Variants in SNTG1 observed in about 807,000 individuals in gnomAD.
The protein encoded by SNTG1 is syntrophin gamma 1, also known as gamma-1-syntrophin.
In SNTG1, 39 loss-of-function variants were observed where a neutral mutation model predicts 74.7. The observed-to-expected ratio is 0.52, with a 90% CI of 0.40 to 0.68. The LOEUF (loss-of-function observed/expected upper bound fraction) is 0.68, where lower values mean the gene tolerates loss of function less well. SNTG1 is among the 30% of genes least tolerant of loss of function. SNTG1 has a pLI of 0.00. For synonymous variants in SNTG1, 254 were observed against 217.1 expected (o/e 1.17, Z -1.49); for missense variants, 685 against 609.5 (o/e 1.12, Z -1.30).
intron 17 of SNTG1, among the ~76,000 whole-genome samples, chr8:50,713,002 T>C (rs2095466035): frequency 6.6e-6 from 1 of 152,202 alleles, no homozygotes; most frequent in Admixed American, 6.5e-5. Flanking sequence ...TTATAATCCT[T>C]TGGGTATATA....
chr8:50,641,818 TC>T lies in SNTG1; in HGVS notation c.850-15090del, dbSNP rs147098356. 3.2e-4 allele frequency among the ~76,000 whole-genome samples: 48 copies of T among 152,318 alleles called. 2 individuals are homozygous for T. The East Asian group carries it at 8.1e-3, about 26-fold the overall frequency. Reference sequence around the variant, plus strand: ...TTACACCTTTGTGGTTCTCTCCTCTTCTCTATTACCACACAATGTCTGCTGT... The same window carrying T: ...TTACACCTTTGTGGTTCTCTCCTCTTTCTATTACCACACAATGTCTGCTGT... On this transcript the variant is annotated intron_variant, in intron 13 of 18. Coordinates refer to ENST00000642720, the MANE Select transcript of SNTG1 (RefSeq NM_018967.5).
intron 2 of SNTG1, among the ~76,000 whole-genome samples, chr8:50,377,500 C>T (rs2131200339): frequency 6.6e-6 from 1 of 152,042 alleles, no homozygotes; most frequent in East Asian, 1.9e-4. Context: ...ACTGTGTTTG[C>T]AGTACTTTTC....
intron 8 of SNTG1, among the ~76,000 whole-genome samples, chr8:50,474,279 T>A (rs181324258): frequency 8.1e-4 from 122 of 150,448 alleles, no homozygotes; most frequent in Admixed American, 8.1e-3. Context: ...ACCATCAGAG[T>A]GAACAGGCAA....
At chr8:50,582,133 T>G (rs2094614124) in intron 12 of SNTG1, among the ~76,000 whole-genome samples, 7 of 151,988 alleles carry the variant, frequency 4.6e-5, no homozygotes, top group Admixed American at 4.6e-4. Flanking sequence ...ACTTAGAGGG[T>G]TTTTGGTTGT....
intron 13 of SNTG1, among the ~76,000 whole-genome samples, chr8:50,595,182 AT>A (rs1405181570): frequency 6.6e-6 from 1 of 152,006 alleles, no homozygotes; most frequent in Non-Finnish European, 1.5e-5. Flanking sequence ...CAATTTATTA[AT>A]GTTAAAAACA....
intron 17 of SNTG1, among the ~76,000 whole-genome samples, chr8:50,728,186 C>T (rs1298325755): frequency 6.6e-6 from 1 of 152,126 alleles, no homozygotes; most frequent in African/African-American, 2.4e-5. Flanking sequence ...TCTATTCCAC[C>T]ACACCTTGGG....
intron 9 of SNTG1, among the ~76,000 whole-genome samples, chr8:50,507,267 T>G (rs1167271097): frequency 6.6e-6 from 1 of 152,124 alleles, no homozygotes; most frequent in African/African-American, 2.4e-5. Context: ...TTAATATTCA[T>G]CAGGAATATT....
At chr8:50,133,322 A>G (rs2081374041) in intron 1 of SNTG1, among the ~76,000 whole-genome samples, 1 of 152,138 alleles carries the variant, frequency 6.6e-6, no homozygotes, top group Non-Finnish European at 1.5e-5. Context: ...GTTAATGTCC[A>G]TATTTCTAAC....
At chr8:50,747,422 GTAC>G (rs1344677597) in intron 17 of SNTG1, among the ~76,000 whole-genome samples, 1 of 120,836 alleles carries the variant, frequency 8.3e-6, no homozygotes, top group Non-Finnish European at 1.6e-5. Context: ...TCTAGCTTAA[GTAC>G]TACAAGTTTT....
At chr8:50,559,455 A>C (rs118110148) in intron 12 of SNTG1, among the ~76,000 whole-genome samples, 38 of 152,182 alleles carry the variant, frequency 2.5e-4, no homozygotes, top group Middle Eastern at 3.4e-3. Context: ...ATAAAAAAAT[A>C]AAAAAAGAAA....
chr8:50,051,227 A>G (rs1819541775), intron 1 of SNTG1, among the ~76,000 whole-genome samples: 1 of 137,464 alleles, frequency 7.3e-6, no homozygotes, highest in Non-Finnish European at 1.5e-5. Context: ...TTATCTTTAG[A>G]TAGAAAATCT....
At chr8:50,070,139 C>A (rs1821238549) in intron 1 of SNTG1, among the ~76,000 whole-genome samples, 1 of 152,108 alleles carries the variant, frequency 6.6e-6, no homozygotes, top group African/African-American at 2.4e-5. Flanking sequence ...TATTTTAATG[C>A]AAATCAATCT....
chr8:50,257,817 A>G (rs1244841356), intron 2 of SNTG1, among the ~76,000 whole-genome samples: 2 of 152,332 alleles, frequency 1.3e-5, no homozygotes, highest in East Asian at 3.9e-4. Flanking sequence ...TGGAGCTCCA[A>G]ACTTAATTGA....
intron 1 of SNTG1, among the ~76,000 whole-genome samples, chr8:50,160,962 G>C (rs962307262): frequency 2.6e-5 from 4 of 152,202 alleles, no homozygotes; most frequent in African/African-American, 7.2e-5. Context: ...AGCCACCAAT[G>C]AGAGGGACCA....
chr8:50,037,465 T>A (rs1380442919), intron 1 of SNTG1, among the ~76,000 whole-genome samples: 1 of 152,274 alleles, frequency 6.6e-6, no homozygotes, highest in East Asian at 1.9e-4. Flanking sequence ...TGCTCCCTAA[T>A]GCTGAAAATG....
At chr8:50,414,897 A>G (rs2092995663) in intron 4 of SNTG1, among the ~76,000 whole-genome samples, 1 of 152,166 alleles carries the variant, frequency 6.6e-6, no homozygotes, top group Admixed American at 6.6e-5. Flanking sequence ...AGGGAAAAAC[A>G]GAGACCACCT....
chr8:50,444,084 G>A (rs944029013), intron 5 of SNTG1, among the ~76,000 whole-genome samples: 3 of 152,114 alleles, frequency 2.0e-5, no homozygotes, highest in African/African-American at 7.2e-5. Flanking sequence ...GTCGCAGTGA[G>A]CTGAGATCAC....
intron 13 of SNTG1, among the ~76,000 whole-genome samples, chr8:50,615,555 G>A (rs2094880188): frequency 6.6e-6 from 1 of 152,030 alleles, no homozygotes; most frequent in African/African-American, 2.4e-5. Flanking sequence ...GGAAGTAGAG[G>A]GATAAGAAAT....
At chr8:50,475,000 T>C (rs2093684804) in intron 8 of SNTG1, among the ~76,000 whole-genome samples, 1 of 144,214 alleles carries the variant, frequency 6.9e-6, no homozygotes, top group African/African-American at 2.6e-5. Flanking sequence ...CACCGCGTGT[T>C]CTCACTCATA....
Sources: gnomAD v4.1 joint callset for allele counts (sites outside exome capture counted in the v4.1 genomes callset) on GRCh38, gnomAD v4.1.1 for gene constraint, MANE v1.5 for transcripts, NCBI Gene and HGNC (gene_info 2026-07-23, HGNC 2026-07-21) for gene names.